Variants in ADAMTSL1 observed in about 807,000 individuals in gnomAD.
ADAMTSL1 encodes the protein ADAMTS-like protein 1.
A neutral mutation model predicts 201.8 loss-of-function variants in ADAMTSL1; 126 were observed. The ratio of observed to expected loss-of-function variants is 0.62; its 90% CI spans 0.54 to 0.72. The LOEUF is 0.72. ADAMTSL1 is among the 30% of genes least tolerant of loss of function. The pLI is 0.00. For missense variants in ADAMTSL1, 2,679 were observed against 2,277.8 expected, an observed-to-expected ratio of 1.18 and a Z score of -3.59; for synonymous variants, 1,121 against 903.4, an observed-to-expected ratio of 1.24 and a Z score of -4.32.
intron 5 of ADAMTSL1, 156 bp downstream of exon 5, chr9:18,622,525 C>A: frequency 8.7e-7 from 1 of 1,154,422 alleles, no homozygotes; most frequent in Non-Finnish European, 1.2e-6. Context: ...TGTGAATTAG[C>A]TTAGGTGGGA....
intron 2 of ADAMTSL1, among the ~76,000 whole-genome samples, chr9:18,431,718 A>T (rs10113956): frequency 1.7e-3 from 260 of 152,200 alleles, no homozygotes; most frequent in African/African-American, 6.1e-3. Flanking sequence ...CTGTGTCTGA[A>T]GTCAACAGCC....
rs183986568 is a variant in ADAMTSL1, at chr9:18,443,933, T to C, written c.208-60896T>C. On this transcript the variant is annotated intron_variant, in intron 2 of 29. Coordinates refer to the ADAMTSL1 transcript ENST00000680146. ...CCATTTTTTTATTAATTGGTGAAAT[T>C]GTGAAGTATAAGTACCTGTGATGGA... 2.2e-4 allele frequency among the ~76,000 whole-genome samples: 33 copies of C among 152,316 alleles called. No individual in the cohort carries two copies. In the East Asian group the frequency reaches 4.8e-3, roughly 22 times the overall value.
At chr9:18,454,073 T>C (rs1239687201) in intron 2 of ADAMTSL1, among the ~76,000 whole-genome samples, 1 of 152,192 alleles carries the variant, frequency 6.6e-6, no homozygotes, top group African/African-American at 2.4e-5. Flanking sequence ...CATGTGATTA[T>C]GGAAGCTGAG....
At chr9:18,025,145 G>A (rs1233713768) in intron 1 of ADAMTSL1, among the ~76,000 whole-genome samples, 1 of 151,680 alleles carries the variant, frequency 6.6e-6, no homozygotes, top group Non-Finnish European at 1.5e-5. Flanking sequence ...TGTTCCTTAT[G>A]GATCCTGGCT....
chr9:18,879,751 T>C (rs752687798), intron 23 of ADAMTSL1, among the ~76,000 whole-genome samples: 6 of 152,220 alleles, frequency 3.9e-5, no homozygotes, highest in Non-Finnish European at 7.3e-5. Flanking sequence ...ATTGGAAAGA[T>C]TCTGGCAGTT....
chr9:18,525,679 T>G (rs1430066338), intron 2 of ADAMTSL1, among the ~76,000 whole-genome samples: 1 of 152,210 alleles, frequency 6.6e-6, no homozygotes, highest in Non-Finnish European at 1.5e-5. Flanking sequence ...ACATCTTTAT[T>G]TCTGCCTTCA....
intron 2 of ADAMTSL1, among the ~76,000 whole-genome samples, chr9:18,313,743 T>C (rs1398122138): frequency 6.6e-6 from 1 of 151,970 alleles, no homozygotes; most frequent in African/African-American, 2.4e-5. Flanking sequence ...TAGAGGAAAG[T>C]ATAGGGAAAG....
intron 1 of ADAMTSL1, among the ~76,000 whole-genome samples, chr9:17,977,069 T>G (rs1794009852): frequency 6.6e-6 from 1 of 152,060 alleles, no homozygotes; most frequent in South Asian, 2.1e-4. Context: ...TGCCTTTTCT[T>G]TATTGAATAA....
chr9:18,444,694 G>T (rs775490677), intron 2 of ADAMTSL1, among the ~76,000 whole-genome samples: 9 of 152,140 alleles, frequency 5.9e-5, no homozygotes, highest in Non-Finnish European at 1.3e-4. Context: ...GAAAACAGAT[G>T]CAGATAATAA....
intron 2 of ADAMTSL1, among the ~76,000 whole-genome samples, chr9:18,280,686 A>G (rs886618458): frequency 9.2e-5 from 14 of 152,174 alleles, no homozygotes; most frequent in Non-Finnish European, 1.9e-4. Flanking sequence ...AAATTTTAAA[A>G]TTTCCTTGTA....
chr9:18,200,192 G>T (rs752938409), intron 2 of ADAMTSL1, among the ~76,000 whole-genome samples: 1 of 151,886 alleles, frequency 6.6e-6, no homozygotes, highest in Non-Finnish European at 1.5e-5. Context: ...CCAGCATTTC[G>T]GGAGGCTGAA....
Position 18,328,017 on chromosome 9 carries a change from G to T in ADAMTSL1, c.207+164036G>T, listed in dbSNP as rs144926703. On this transcript the variant is annotated intron_variant, in intron 2 of 29. Transcript: ENST00000680146. ...AAGAAAAAGAAATCCACACTGGAAA[G>T]CTTGAATTAAGTAACAGGACAAGAT... Among the ~76,000 whole-genome samples, 567 of 152,294 alleles carry T rather than the reference G, an allele frequency of 3.7e-3. 10 individuals carry two copies. The highest frequency in any genetic ancestry group is 0.032 in the Admixed American group (486 of 15,284).
At chr9:17,964,350 C>G (rs560151289) in intron 1 of ADAMTSL1, among the ~76,000 whole-genome samples, 5 of 152,238 alleles carry the variant, frequency 3.3e-5, no homozygotes, top group African/African-American at 1.2e-4. Context: ...CCAACCCCTA[C>G]AAACAATATT....
chr9:18,090,624 G>C (rs55647099), intron 1 of ADAMTSL1, among the ~76,000 whole-genome samples: 76,120 of 151,940 alleles, frequency 0.5, 19,434 homozygotes, highest in African/African-American at 0.55. Context: ...CATTTAATAG[G>C]TACAGAGTTT....
At chr9:18,002,447 T>C (rs1270978985) in intron 1 of ADAMTSL1, among the ~76,000 whole-genome samples, 2 of 152,046 alleles carry the variant, frequency 1.3e-5, no homozygotes, top group Non-Finnish European at 2.9e-5. Context: ...GTGTAATATA[T>C]GTAAAATAGC....
rs72258520 is a variant in ADAMTSL1, at chr9:18,703,701, C to CATATATATATATATATATATATAT, written c.1575-3035_1575-3012dup. 6.7e-3 allele frequency among the ~76,000 whole-genome samples: 525 copies of CATATATATATATATATATATATAT among 78,640 alleles called. 43 individuals carry two copies. Among genetic ancestry groups the CATATATATATATATATATATATAT allele is most frequent in the Non-Finnish European group, 8.3e-3 (323 of 38,734 alleles). 51.6% of individuals were successfully genotyped at this position (78,640 alleles called of 152,430 possible). A position where few individuals can be genotyped will look rare whatever the true frequency, so the allele number is the denominator to read the frequency against. On this transcript the variant is annotated intron_variant, in intron 13 of 28. Coordinates refer to ENST00000380548, the MANE Select transcript of ADAMTSL1 (RefSeq NM_001040272.6). ...AATTACACACGTGCATGCGCACATACATATATATATATATATATATATATA... is the reference window on the plus strand; with the variant it reads ...AATTACACACGTGCATGCGCACATACATATATATATATATATATATATATATATATATATATATATATATATATA...
intron 1 of ADAMTSL1, among the ~76,000 whole-genome samples, chr9:17,991,997 C>G (rs1253446984): frequency 6.6e-6 from 1 of 152,108 alleles, no homozygotes; most frequent in Non-Finnish European, 1.5e-5. Context: ...CTACCTCTTT[C>G]ATACCTAGAG....
chr9:18,644,762 C>T (rs1182001671), intron 7 of ADAMTSL1, among the ~76,000 whole-genome samples: 2 of 151,938 alleles, frequency 1.3e-5, no homozygotes, highest in Non-Finnish European at 2.9e-5. Context: ...GTATATGTGC[C>T]ACATTTTCTT....
rs150308830 is a variant in ADAMTSL1, at chr9:18,775,417, C to T, written c.2398-326C>T. Among the ~76,000 whole-genome samples the T allele has an allele frequency of 5.1e-3, 779 of 152,272 alleles. 15 individuals carry two copies. The highest frequency in any genetic ancestry group is 0.042 in the South Asian group (203 of 4,820). On this transcript the variant is annotated intron_variant, in intron 17 of 28. Transcript: ENST00000380548. ...CAAACTAAGCATAAGTGGAAACAGA[C>T]GAGAGAATTTAAGTAACTTGCCAAC... is the stretch of plus-strand genomic sequence containing the variant.
Sources: allele counts gnomAD v4.1 joint callset (sites outside exome capture counted in the v4.1 genomes callset), GRCh38; gene constraint gnomAD v4.1.1; transcripts MANE v1.5; gene names NCBI Gene and HGNC (gene_info 2026-07-23, HGNC 2026-07-21).